PBX3: variants seen among roughly 807,000 people sequenced by gnomAD.
PBX3 encodes PBX homeobox 3, also known as pre-B-cell leukemia transcription factor 3.
In PBX3, 14 loss-of-function variants were observed where a neutral mutation model predicts 48.5. That is an observed-to-expected ratio of 0.29 (90% confidence interval 0.19 to 0.45). PBX3 has a LOEUF of 0.45. PBX3 is among the 20% of genes least tolerant of loss of function. The pLI is 1.00. For missense variants in PBX3, 386 were observed against 546.7 expected (o/e 0.71, Z 2.93); for synonymous variants, 210 against 200.3 (o/e 1.05, Z -0.41).
At chr9:125,768,478 TA>T (rs1836857949) in intron 2 of PBX3, among the ~76,000 whole-genome samples, 1 of 152,232 alleles carries the variant, frequency 6.6e-6, no homozygotes, top group Non-Finnish European at 1.5e-5. Flanking sequence ...ATTAAAATCA[TA>T]AATCGATTAT....
chr9:125,747,384 T>TCGCCGA lies in PBX3; in HGVS notation c.-65_-64insACGCCG. 1.7e-6 allele frequency: 1 copy of TCGCCGA among 600,250 alleles called. No individual in the cohort carries two copies. The highest frequency in any genetic ancestry group is 2.2e-6 in the Non-Finnish European group (1 of 454,276). 37.2% of individuals were successfully genotyped at this position (600,250 alleles called of 1,614,324 possible). On this transcript the variant is annotated 5_prime_UTR_variant, in exon 1 of 9. Coordinates refer to ENST00000373489, the MANE Select transcript of PBX3 (RefSeq NM_006195.6). ...TCCCCCTCTTTCTTCTCCTCCCTCG[T>TCGCCGA]CGCCGCCGCCGCCGCCGCCGCCTCA...
intron 2 of PBX3, among the ~76,000 whole-genome samples, chr9:125,818,247 C>T (rs938026857): frequency 6.6e-5 from 10 of 151,352 alleles, no homozygotes; most frequent in African/African-American, 1.9e-4. Flanking sequence ...ATAGTATTAC[C>T]AGAGAGTTCC....
In PBX3 at chr9:125,966,125, T is replaced by A. The variant is rs886726405; in HGVS notation, c.*202T>A. ...TAAAAACACACAATGTTAAAAAAAA[T>A]AAAGCACTTTATCCAATTAGGCCAA... On this transcript the variant is annotated 3_prime_UTR_variant, in exon 9 of 9. Coordinates refer to ENST00000373489, the MANE Select transcript of PBX3 (RefSeq NM_006195.6). 9.1e-5 allele frequency: 38 copies of A among 419,654 alleles called. No homozygotes were observed. The East Asian group carries it at 9.3e-4, about 10-fold the overall frequency. The allele number at this position is 419,654 out of a possible 1,614,324, so 26.0% of individuals were successfully genotyped here. A position where few individuals can be genotyped will look rare whatever the true frequency, so the allele number is the denominator to read the frequency against.
intron 3 of PBX3, among the ~76,000 whole-genome samples, chr9:125,928,075 C>T (rs1215194380): frequency 9.2e-5 from 14 of 151,626 alleles, no homozygotes; most frequent in South Asian, 2.1e-4. Context: ...CCCAGCTACT[C>T]GGGAGGCTGA....
chr9:125,961,517 A>C (rs1185079866), intron 6 of PBX3, among the ~76,000 whole-genome samples: 1 of 152,242 alleles, frequency 6.6e-6, no homozygotes. Flanking sequence ...AAACAGATGG[A>C]CTTCAGTAGC....
intron 2 of PBX3, among the ~76,000 whole-genome samples, chr9:125,793,362 A>AG (rs1554855726): frequency 4.6e-5 from 3 of 65,652 alleles, no homozygotes; most frequent in Non-Finnish European, 6.0e-5. Flanking sequence ...GGGGGGAAAA[A>AG]AAAAATATAT....
intron 7 of PBX3, 36 bp from the exon 8 acceptor site, chr9:125,962,976 T>C (rs1293621916): frequency 8.5e-7 from 1 of 1,177,970 alleles, no homozygotes; most frequent in Admixed American, 1.8e-5. Context: ...TTTTAATAGA[T>C]TTGGGATGAT....
intron 2 of PBX3, among the ~76,000 whole-genome samples, chr9:125,904,672 G>A (rs1841028696): frequency 6.6e-6 from 1 of 151,900 alleles, no homozygotes; most frequent in Non-Finnish European, 1.5e-5. Flanking sequence ...CCATCAAAGA[G>A]AGGAATATTA....
chr9:125,900,223 C>A (rs553679717), intron 2 of PBX3, among the ~76,000 whole-genome samples: 1 of 116,914 alleles, frequency 8.6e-6, no homozygotes, highest in Admixed American at 1.1e-4. Flanking sequence ...CACCCCTCCC[C>A]CCACATCCCG....
At chr9:125,854,337 G>A (rs1470927174) in intron 2 of PBX3, among the ~76,000 whole-genome samples, 1 of 151,844 alleles carries the variant, frequency 6.6e-6, no homozygotes, top group Non-Finnish European at 1.5e-5. Flanking sequence ...GTTTTGCTAT[G>A]TTTCCCAGGC....
At chr9:125,929,508 A>G (rs908155962) in intron 3 of PBX3, 147 bp from the exon 4 acceptor site, 2 of 551,806 alleles carry the variant, frequency 3.6e-6, no homozygotes, top group Non-Finnish European at 6.2e-6. Flanking sequence ...TATTACTACC[A>G]TTTTACAAGT....
intron 2 of PBX3, among the ~76,000 whole-genome samples, chr9:125,831,412 T>G (rs941271751): frequency 2.0e-5 from 3 of 150,898 alleles, no homozygotes; most frequent in Non-Finnish European, 2.9e-5. Flanking sequence ...TCTTTCTGTA[T>G]TTATTAGCCA....
chr9:125,782,729 A>G (rs1488467968), intron 2 of PBX3, among the ~76,000 whole-genome samples: 1 of 152,138 alleles, frequency 6.6e-6, no homozygotes, highest in African/African-American at 2.4e-5. Context: ...CATTTCTTGT[A>G]GCGTAGGTAG....
At position 125,838,348 on chromosome 9, in the gene PBX3, C is replaced by T. The variant is rs930627253; in HGVS notation, c.275-77338C>T. ...AACAGTGATGAGCCGCTGCACCTGG[C>T]GTCTTCTAAGTCTACTTTGGACAAT... On this transcript the variant is annotated intron_variant, in intron 2 of 8. Transcript: ENST00000373489. Among the ~76,000 whole-genome samples the T allele has an allele frequency of 4.6e-5, 7 of 152,294 alleles. No homozygotes were observed. In the East Asian group the frequency reaches 5.8e-4, roughly 13 times the overall value.
rs1056457631 is a variant in PBX3, at chr9:125,768,802, T to C, written c.274+20179T>C. On this transcript the variant is annotated intron_variant, in intron 2 of 8. Coordinates refer to ENST00000373489, the MANE Select transcript of PBX3 (RefSeq NM_006195.6). ...TTTTTTAAGTGCTGGGAAGATTTCA[T>C]ACTCACAGTGGAGGACACAGTGTTT... Among the ~76,000 whole-genome samples the C allele has an allele frequency of 2.6e-5, 4 of 152,344 alleles. No homozygotes were observed. In the East Asian group the frequency reaches 7.7e-4, roughly 29 times the overall value.
At chr9:125,790,151 A>G (rs1280838137) in intron 2 of PBX3, among the ~76,000 whole-genome samples, 4 of 152,232 alleles carry the variant, frequency 2.6e-5, no homozygotes, top group African/African-American at 9.6e-5. Flanking sequence ...CTCTTGATAT[A>G]AGCTCTTAGT....
chr9:125,822,729 A>G lies in PBX3; in HGVS notation c.274+74106A>G, dbSNP rs991138225. On this transcript the variant is annotated intron_variant, in intron 2 of 8. Coordinates refer to ENST00000373489, the MANE Select transcript of PBX3 (RefSeq NM_006195.6). Reference sequence around the variant, plus strand: ...ATGTAGAAGAAAGGCTGCATAATCCAATCAAAGCATATATTTCATTAATGT... The same window carrying G: ...ATGTAGAAGAAAGGCTGCATAATCCGATCAAAGCATATATTTCATTAATGT... Among the ~76,000 whole-genome samples, 4 of 152,288 alleles carry G rather than the reference A, an allele frequency of 2.6e-5. No homozygotes were observed. In the East Asian group the frequency reaches 7.7e-4, roughly 29 times the overall value.
chr9:125,857,300 T>C (rs1292068608), intron 2 of PBX3, among the ~76,000 whole-genome samples: 3 of 152,108 alleles, frequency 2.0e-5, no homozygotes, highest in Non-Finnish European at 4.4e-5. Context: ...AATCTAAAAA[T>C]CTGAAACCCA....
At chr9:125,791,994 T>C (rs1837624097) in intron 2 of PBX3, among the ~76,000 whole-genome samples, 1 of 152,034 alleles carries the variant, frequency 6.6e-6, no homozygotes, top group African/African-American at 2.4e-5. Flanking sequence ...TATCCAGTCT[T>C]AGGTAGTTCC....
Sources: allele counts gnomAD v4.1 joint callset (sites outside exome capture counted in the v4.1 genomes callset), GRCh38; gene constraint gnomAD v4.1.1; transcripts MANE v1.5; gene names NCBI Gene and HGNC (gene_info 2026-07-23, HGNC 2026-07-21).